Variants in CPNE4 observed in about 807,000 individuals in gnomAD.
The protein encoded by CPNE4 is copine 4.
CPNE4 carries 25 observed loss-of-function variants against 67.9 expected under a neutral mutation model. The ratio of observed to expected loss-of-function variants is 0.37; its 90% CI spans 0.27 to 0.51. The LOEUF (loss-of-function observed/expected upper bound fraction) is 0.51, where lower values mean the gene tolerates loss of function less well. Among genes scored for constraint, CPNE4 ranks in the 20% least tolerant of loss-of-function variants. The pLI is 0.93. For missense variants in CPNE4, 464 were observed against 690.8 expected, an observed-to-expected ratio of 0.67 and a Z score of 3.68; for synonymous variants, 242 against 244.9, an observed-to-expected ratio of 0.99 and a Z score of 0.11.
chr3:131,863,754 G>T (rs1466848168), intron 2 of CPNE4, among the ~76,000 whole-genome samples: 1 of 152,116 alleles, frequency 6.6e-6, no homozygotes. Context: ...CATTGCTTTT[G>T]GTGTTTTAGA....
At chr3:131,572,260 T>A (rs1582822155) in intron 10 of CPNE4, among the ~76,000 whole-genome samples, 1 of 151,900 alleles carries the variant, frequency 6.6e-6, no homozygotes, top group African/African-American at 2.4e-5. Flanking sequence ...ATTGAGGAAG[T>A]TTAATAAAGG....
intron 1 of CPNE4, among the ~76,000 whole-genome samples, chr3:132,002,804 A>T (rs2073490548): frequency 6.6e-6 from 1 of 152,106 alleles, no homozygotes; most frequent in Non-Finnish European, 1.5e-5. Context: ...AATAAGTAAA[A>T]ATTTAAATAG....
At chr3:131,750,597 A>G (rs1295593072) in intron 2 of CPNE4, among the ~76,000 whole-genome samples, 1 of 152,146 alleles carries the variant, frequency 6.6e-6, no homozygotes, top group Non-Finnish European at 1.5e-5. Context: ...ATCCCTGTTT[A>G]TAATAGAATT....
chr3:131,721,063 C>G (rs377534597), intron 3 of CPNE4, among the ~76,000 whole-genome samples: 1 of 152,182 alleles, frequency 6.6e-6, no homozygotes, highest in African/African-American at 2.4e-5. Context: ...AATGCTTGCT[C>G]TCTTATTCTG....
At chr3:132,017,469 A>G (rs962638781) in intron 1 of CPNE4, 1 of 152,162 alleles carries the variant, frequency 6.6e-6, no homozygotes, top group African/African-American at 2.4e-5. Context: ...GTATTTCTGG[A>G]TCTTCCATTT....
Position 131,694,968 on chromosome 3 carries a change from C to A in CPNE4, c.507+1574G>T, listed in dbSNP as rs144186646. 2.5e-3 allele frequency among the ~76,000 whole-genome samples: 388 copies of A among 152,306 alleles called. 3 individuals carry two copies. Among genetic ancestry groups the A allele is most frequent in the African/African-American group, 8.9e-3 (369 of 41,558 alleles). On this transcript the variant is annotated intron_variant, in intron 5 of 15. Coordinates refer to ENST00000429747, the MANE Select transcript of CPNE4 (RefSeq NM_130808.3). Reference sequence around the variant, plus strand: ...TTTACCACACAGAATAGATTGTTTACCATGCAGCAATAGAAAACCAGAGCA... The same window carrying A: ...TTTACCACACAGAATAGATTGTTTAACATGCAGCAATAGAAAACCAGAGCA...
chr3:131,596,014 A>G (rs946481641), intron 7 of CPNE4, among the ~76,000 whole-genome samples: 1 of 152,218 alleles, frequency 6.6e-6, no homozygotes, highest in Non-Finnish European at 1.5e-5. Flanking sequence ...TTTAATAAGT[A>G]TAAAGTTTTA....
chr3:131,640,919 G>A (rs1476578169), intron 7 of CPNE4, among the ~76,000 whole-genome samples: 1 of 152,070 alleles, frequency 6.6e-6, no homozygotes, highest in South Asian at 2.1e-4. Context: ...AGCAGGGAAA[G>A]GACACTTTAT....
chr3:131,581,106 G>A (rs895294213), intron 9 of CPNE4, among the ~76,000 whole-genome samples: 1 of 152,208 alleles, frequency 6.6e-6, no homozygotes, highest in Non-Finnish European at 1.5e-5. Flanking sequence ...CTGGGTGGCA[G>A]AGGTTGCAGT....
At chr3:131,907,299 T>A (rs2088809243) in intron 1 of CPNE4, among the ~76,000 whole-genome samples, 1 of 152,156 alleles carries the variant, frequency 6.6e-6, no homozygotes, top group Admixed American at 6.6e-5. Flanking sequence ...AATGGCTTCC[T>A]CAACCTCACA....
chr3:131,856,738 C>T (rs1264353068), intron 2 of CPNE4, among the ~76,000 whole-genome samples: 1 of 151,980 alleles, frequency 6.6e-6, no homozygotes, highest in Non-Finnish European at 1.5e-5. Flanking sequence ...TTATTGAATG[C>T]TTACACTACA....
At chr3:131,998,829 C>T (rs2073358996) in intron 1 of CPNE4, among the ~76,000 whole-genome samples, 1 of 152,122 alleles carries the variant, frequency 6.6e-6, no homozygotes, top group Non-Finnish European at 1.5e-5. Flanking sequence ...TTTTTCACCA[C>T]AGAATAGTCT....
intron 2 of CPNE4, among the ~76,000 whole-genome samples, chr3:131,837,216 T>A (rs1459089171): frequency 6.6e-6 from 1 of 152,086 alleles, no homozygotes; most frequent in African/African-American, 2.4e-5. Flanking sequence ...CATTCCTGAG[T>A]GTTTACACTA....
chr3:131,721,470 A>T (rs933637809), intron 3 of CPNE4, among the ~76,000 whole-genome samples: 1 of 139,932 alleles, frequency 7.1e-6, no homozygotes, highest in East Asian at 2.1e-4. Context: ...ATCTCGGCTC[A>T]CTGCAAGCTC....
At chr3:131,960,116 A>G (rs2107917910) in intron 1 of CPNE4, among the ~76,000 whole-genome samples, 1 of 149,780 alleles carries the variant, frequency 6.7e-6, no homozygotes, top group African/African-American at 2.5e-5. Context: ...AAGCAGAGAA[A>G]GAGTGGAGAG....
At chr3:131,806,004 C>T (rs1437622573) in intron 2 of CPNE4, among the ~76,000 whole-genome samples, 1 of 152,142 alleles carries the variant, frequency 6.6e-6, no homozygotes, top group Non-Finnish European at 1.5e-5. Context: ...TCATGAAATT[C>T]CAGTCATTTT....
chr3:131,847,502 T>C (rs1230785681), intron 2 of CPNE4, among the ~76,000 whole-genome samples: 1 of 152,168 alleles, frequency 6.6e-6, no homozygotes, highest in Non-Finnish European at 1.5e-5. Flanking sequence ...TTTTCCAACT[T>C]GAGGCAGAAC....
intron 3 of CPNE4, among the ~76,000 whole-genome samples, chr3:131,703,834 C>T (rs1469570216): frequency 6.6e-6 from 1 of 152,158 alleles, no homozygotes; most frequent in Non-Finnish European, 1.5e-5. Flanking sequence ...AGATTAAAAA[C>T]ATCTTACAAT....
At chr3:131,771,738 G>A (rs1477909740) in intron 2 of CPNE4, among the ~76,000 whole-genome samples, 1 of 152,056 alleles carries the variant, frequency 6.6e-6, no homozygotes, top group Admixed American at 6.6e-5. Flanking sequence ...AACAGATTAA[G>A]ACAGCCAGTG....
Sources: gnomAD v4.1 joint callset for allele counts (sites outside exome capture counted in the v4.1 genomes callset) on GRCh38, gnomAD v4.1.1 for gene constraint, MANE v1.5 for transcripts, NCBI Gene and HGNC (gene_info 2026-07-23, HGNC 2026-07-21) for gene names.